ARHGAP18: variants seen among roughly 807,000 people sequenced by gnomAD.
ARHGAP18 encodes the protein rho GTPase-activating protein 18.
Under a neutral mutation model 86.2 loss-of-function variants are expected in ARHGAP18, and 67 were observed. The ratio of observed to expected loss-of-function variants is 0.78; its 90% CI spans 0.64 to 0.95. ARHGAP18 has a LOEUF of 0.95. Ranked by LOEUF, ARHGAP18 falls within the 40% of genes least tolerant of loss-of-function variation. The pLI is 0.00. For synonymous variants in ARHGAP18, 283 were observed against 280.4 expected (o/e 1.01, Z -0.09); for missense variants, 691 against 780.4 (o/e 0.89, Z 1.37).
In ARHGAP18 at chr6:129,638,542, A is replaced by G; in HGVS notation, c.404T>C (p.Val135Ala). The change falls in exon 3 of 15, where the codon GTG (valine) becomes GCG (alanine). Residue 135 changes from valine (V) to alanine (A), a missense_variant. Coordinates refer to ENST00000368149, the MANE Select transcript of ARHGAP18 (RefSeq NM_033515.3). ...ESAGDPQESI[V>A]FLSTLTRTQA... ...GGTCCGCGTCAATGTTGATAAAAAC[A>G]CAATGCTTTCCTGTGGATCTCCAGC... The G allele has an allele frequency of 1.9e-6, 3 of 1,614,182 alleles. No homozygotes were observed. The highest frequency in any genetic ancestry group is 2.5e-6 in the Non-Finnish European group (3 of 1,180,040).
At chr6:129,616,159 C>A in intron 7 of ARHGAP18, 53 bp downstream of exon 7, 1 of 1,344,208 alleles carries the variant, frequency 7.4e-7, no homozygotes. Flanking sequence ...ATACAAAAAC[C>A]ACTATTAGCT....
chr6:129,616,982 A>C (rs993671346), intron 6 of ARHGAP18, among the ~76,000 whole-genome samples: 1 of 152,188 alleles, frequency 6.6e-6, no homozygotes, highest in African/African-American at 2.4e-5. Flanking sequence ...AATATCATTC[A>C]TCTTTTCCAT....
At chr6:129,592,099 TA>T (rs771614689) in intron 12 of ARHGAP18, among the ~76,000 whole-genome samples, 3 of 150,630 alleles carry the variant, frequency 2.0e-5, no homozygotes, top group African/African-American at 2.4e-5. Context: ...TAAGTTCTAA[TA>T]TTTTTTTTTA....
intron 5 of ARHGAP18, among the ~76,000 whole-genome samples, chr6:129,625,689 A>ATATTATATATTTATATATTATATATATT (rs1562698033): frequency 2.8e-4 from 19 of 66,988 alleles, no homozygotes; most frequent in African/African-American, 1.0e-3. Flanking sequence ...ATATATTTAT[A>ATATTATATATTTATATATTATATATATT]TATTATATAT....
chr6:129,646,726 T>C (rs1773587741), intron 1 of ARHGAP18, among the ~76,000 whole-genome samples: 1 of 152,204 alleles, frequency 6.6e-6, no homozygotes, highest in Non-Finnish European at 1.5e-5. Flanking sequence ...TGCTTCTGCG[T>C]TCAATCTTTT....
intron 1 of ARHGAP18, among the ~76,000 whole-genome samples, chr6:129,670,049 A>C (rs1384897802): frequency 6.6e-6 from 1 of 152,216 alleles, no homozygotes; most frequent in Non-Finnish European, 1.5e-5. Context: ...TATCTCTTAT[A>C]CTTTGTATAA....
At chr6:129,640,717 G>T (rs1327533260) in intron 2 of ARHGAP18, among the ~76,000 whole-genome samples, 1 of 152,262 alleles carries the variant, frequency 6.6e-6, no homozygotes, top group East Asian at 1.9e-4. Context: ...AAGTCATTTA[G>T]TTAAGAAGTC....
intron 3 of ARHGAP18, among the ~76,000 whole-genome samples, chr6:129,634,845 C>G (rs922002073): frequency 6.6e-6 from 1 of 151,044 alleles, no homozygotes; most frequent in Non-Finnish European, 1.5e-5. Context: ...TGTTATAAAA[C>G]TATAAAAGTA....
chr6:129,655,669 A>T (rs755989781), intron 1 of ARHGAP18, among the ~76,000 whole-genome samples: 1 of 152,058 alleles, frequency 6.6e-6, no homozygotes, highest in Non-Finnish European at 1.5e-5. Context: ...GACTTCAGTT[A>T]TTTGCAAAAG....
rs1584088160 is a variant in ARHGAP18 at position 129,649,590 on chromosome 6, T to C, written c.114-7572A>G. On this transcript the variant is annotated intron_variant, in intron 1 of 14. Transcript: ENST00000368149. The stretch of plus-strand genomic sequence containing the variant: ...AAAAAAAAAAAAAAGTCACTTAACA[T>C]CTTGTATAGTGCTTTATAGTTTTTC... 3.5e-5 allele frequency among the ~76,000 whole-genome samples: 5 copies of C among 143,944 alleles called. No individual in the cohort carries two copies. The South Asian group carries it at 1.1e-3, about 32-fold the overall frequency. The allele number at this position is 143,944 out of a possible 152,430, so 94.4% of individuals were successfully genotyped here.
At chr6:129,667,503 G>GTGTGTGTGTGTGTGTGTGTGTGTGTA (rs548429421) in intron 1 of ARHGAP18, among the ~76,000 whole-genome samples, 1 of 145,288 alleles carries the variant, frequency 6.9e-6, no homozygotes, top group Non-Finnish European at 1.5e-5. Flanking sequence ...GTGTGTGTGT[G>GTGTGTGTGTGTGTGTGTGTGTGTGTA]TGTTGTGTAT....
At chr6:129,640,547 T>G (rs1773434143) in intron 2 of ARHGAP18, among the ~76,000 whole-genome samples, 1 of 152,182 alleles carries the variant, frequency 6.6e-6, no homozygotes, top group Non-Finnish European at 1.5e-5. Context: ...TAACAAGAAG[T>G]TAAAGAATAA....
At chr6:129,581,307 C>G (rs1788284431) in intron 13 of ARHGAP18, among the ~76,000 whole-genome samples, 1 of 152,216 alleles carries the variant, frequency 6.6e-6, no homozygotes, top group African/African-American at 2.4e-5. Flanking sequence ...ACAGTCAGGG[C>G]TCTCTGGGCC....
At chr6:129,655,339 A>G (rs1773809902) in intron 1 of ARHGAP18, among the ~76,000 whole-genome samples, 1 of 112,906 alleles carries the variant, frequency 8.9e-6, no homozygotes, top group African/African-American at 3.9e-5. Context: ...AAAAAAAAAA[A>G]AAGAAAAGAA....
intron 5 of ARHGAP18, among the ~76,000 whole-genome samples, chr6:129,625,657 A>T (rs1188153228): frequency 1.4e-5 from 1 of 70,778 alleles, no homozygotes; most frequent in African/African-American, 5.8e-5. Context: ...TTTATATATT[A>T]TATATATTTA....
intron 1 of ARHGAP18, among the ~76,000 whole-genome samples, chr6:129,706,374 A>G (rs1266784678): frequency 2.0e-5 from 3 of 152,228 alleles, no homozygotes; most frequent in Non-Finnish European, 4.4e-5. Flanking sequence ...ATATTTCTTC[A>G]AATCCTCATG....
rs145208792 is a variant in ARHGAP18, at chr6:129,584,010, C to T, written c.1816G>A (p.Ala606Thr). 6.2e-7 allele frequency: 1 copy of T among 1,613,276 alleles called. No homozygotes were observed. Among genetic ancestry groups the T allele is most frequent in the African/African-American group, 1.3e-5 (1 of 74,840 alleles). Residue 606 changes from alanine to threonine, a missense_variant, in exon 13 of 15, where the codon GCC becomes ACC. Ala to Thr is a moderately conservative substitution (Grantham distance 58, BLOSUM62 0). Coordinates refer to ENST00000368149, the MANE Select transcript of ARHGAP18 (RefSeq NM_033515.3). ...TEELKASDVL[A>T]RFLSQESGVA... is the part of the protein sequence containing the mutation. ...TACCTTTCTTGGCTGAGAAACCTGG[C>T]AAGTACATCACTGGCTTTTAGTTCT...
rs1371602522 is a variant in ARHGAP18 at position 129,578,130 on chromosome 6, GT to G, written c.*382del. On this transcript the variant is annotated 3_prime_UTR_variant, in exon 15 of 15. Coordinates refer to ENST00000368149, the MANE Select transcript of ARHGAP18 (RefSeq NM_033515.3). The stretch of plus-strand genomic sequence containing the variant: ...ACTGGGAAAGGGTAGATGTGAGGAG[GT>G]AATAGAGGTGAGAGAGCATATATTA... The G allele has an allele frequency of 6.6e-6, 1 of 151,996 alleles. No individual in the cohort carries two copies. The highest frequency in any genetic ancestry group is 1.5e-5 in the Non-Finnish European group (1 of 68,076). 9.4% of individuals were successfully genotyped at this position (151,996 alleles called of 1,614,324 possible).
chr6:129,585,608 T>C (rs1482129143), intron 12 of ARHGAP18, among the ~76,000 whole-genome samples: 1 of 152,188 alleles, frequency 6.6e-6, no homozygotes, highest in Non-Finnish European at 1.5e-5. Context: ...GAAATCCTGC[T>C]GCAGAGTGGG....
Sources: allele counts gnomAD v4.1 joint callset (sites outside exome capture counted in the v4.1 genomes callset), GRCh38; gene constraint gnomAD v4.1.1; transcripts MANE v1.5; gene names NCBI Gene and HGNC (gene_info 2026-07-23, HGNC 2026-07-21).